GLP1R: variants seen among roughly 807,000 people sequenced by gnomAD.
GLP1R encodes the protein glucagon like peptide 1 receptor.
Under a neutral mutation model 68.4 loss-of-function variants are expected in GLP1R, and 32 were observed. The ratio of observed to expected loss-of-function variants is 0.47; its 90% CI spans 0.35 to 0.63. The LOEUF is 0.63. GLP1R is among the 20% of genes least tolerant of loss of function. GLP1R has a pLI of 0.00. For synonymous variants in GLP1R, 263 were observed against 244.4 expected (o/e 1.08, Z -0.71); for missense variants, 502 against 594.9 (o/e 0.84, Z 1.62).
chr6:39,071,338 T>C (rs1262683137), intron 5 of GLP1R, among the ~76,000 whole-genome samples: 2 of 95,142 alleles, frequency 2.1e-5, no homozygotes, highest in Non-Finnish European at 4.0e-5. Flanking sequence ...AGAGCAAGAT[T>C]CCATCTCAAA....
At chr6:39,076,388 C>T (rs1288784818) in intron 7 of GLP1R, among the ~76,000 whole-genome samples, 1 of 152,118 alleles carries the variant, frequency 6.6e-6, no homozygotes, top group Non-Finnish European at 1.5e-5. Context: ...TACTAAAGCA[C>T]CGTAGATGCT....
intron 12 of GLP1R, among the ~76,000 whole-genome samples, chr6:39,082,128 G>T (rs759438023): frequency 6.6e-6 from 1 of 152,146 alleles, no homozygotes; most frequent in Admixed American, 6.5e-5. Context: ...GAAGGGAGGG[G>T]AATGTTCCCT....
intron 3 of GLP1R, among the ~76,000 whole-genome samples, chr6:39,065,298 C>T (rs1038512467): frequency 2.6e-5 from 4 of 152,176 alleles, no homozygotes; most frequent in South Asian, 2.1e-4. Context: ...CGAGTGACTG[C>T]GGGGCAGGCA....
chr6:39,083,918 C>T (rs2268635), intron 12 of GLP1R, among the ~76,000 whole-genome samples: 13,059 of 152,270 alleles, frequency 0.086, 936 homozygotes, highest in East Asian at 0.38. Context: ...GATGCTCATG[C>T]ATTTATGTGT....
intron 7 of GLP1R, among the ~76,000 whole-genome samples, chr6:39,073,991 T>A (rs1053054581): frequency 1.3e-5 from 2 of 152,128 alleles, no homozygotes; most frequent in Non-Finnish European, 2.9e-5. Context: ...AATGGAAGCC[T>A]CCACCGCATG....
At chr6:39,057,273 T>C (rs947105620) in intron 2 of GLP1R, among the ~76,000 whole-genome samples, 199 bp from the exon 3 acceptor site, 1 of 152,214 alleles carries the variant, frequency 6.6e-6, no homozygotes, top group African/African-American at 2.4e-5. Flanking sequence ...AGTTACTTGC[T>C]CAAGGTCCTG....
Position 39,048,829 on chromosome 6 carries a change from G to A in GLP1R, c.-12G>A. 2 of 1,398,840 alleles carry A rather than the reference G, an allele frequency of 1.4e-6. No individual in the cohort carries two copies. The highest frequency in any genetic ancestry group is 1.9e-6 in the Non-Finnish European group (2 of 1,037,626). 86.7% of individuals were successfully genotyped at this position (1,398,840 alleles called of 1,614,324 possible). A position where few individuals can be genotyped will look rare whatever the true frequency, so the allele number is the denominator to read the frequency against. On this transcript the variant is annotated 5_prime_UTR_variant, in exon 1 of 13. It removes the in-frame stop codon of an upstream open reading frame in the 5' UTR. Coordinates refer to ENST00000373256, the MANE Select transcript of GLP1R (RefSeq NM_002062.5). ...CAGGTGGCAGCGATGGCCCAGTCCT[G>A]AACTCCCCGCCATGGCCGGCGCCCC...
intron 12 of GLP1R, 121 bp from the exon 13 acceptor site, chr6:39,085,785 C>A: frequency 1.1e-6 from 1 of 909,382 alleles, no homozygotes; most frequent in Non-Finnish European, 1.7e-6. Flanking sequence ...AAGGCCTTGA[C>A]TTGTGTCTCT....
At chr6:39,056,940 C>A (rs10305439) in intron 2 of GLP1R, among the ~76,000 whole-genome samples, 53,120 of 152,074 alleles carry the variant, frequency 0.35, 10,664 homozygotes, top group East Asian at 0.54. Context: ...GAGGGCTCCA[C>A]AAACATATTT....
At chr6:39,085,356 C>T (rs550201125) in intron 12 of GLP1R, among the ~76,000 whole-genome samples, 1 of 152,318 alleles carries the variant, frequency 6.6e-6, no homozygotes, top group South Asian at 2.1e-4. Flanking sequence ...CTGGCTGCCC[C>T]TTCCTCCCTG....
chr6:39,064,972 C>T (rs759862560), intron 3 of GLP1R, among the ~76,000 whole-genome samples: 1 of 152,214 alleles, frequency 6.6e-6, no homozygotes, highest in Non-Finnish European at 1.5e-5. Context: ...CCATTTCCAA[C>T]CTATAATTAG....
At chr6:39,073,082 C>A in intron 6 of GLP1R, 67 bp downstream of exon 6, 1 of 1,415,306 alleles carries the variant, frequency 7.1e-7, no homozygotes, top group Non-Finnish European at 9.9e-7. Context: ...CTCTGCCACC[C>A]TAGACAGGCC....
intron 2 of GLP1R, 44 bp from the exon 3 acceptor site, chr6:39,057,428 C>A: frequency 1.6e-6 from 2 of 1,261,184 alleles, no homozygotes; most frequent in Non-Finnish European, 2.3e-6. Flanking sequence ...AGGGCCATGG[C>A]CAGTCACAAG....
chr6:39,073,814 G>A, intron 7 of GLP1R, 45 bp downstream of exon 7: 1 of 1,578,060 alleles, frequency 6.3e-7, no homozygotes. Flanking sequence ...CACGGGGGTG[G>A]GAGACCTTGA....
rs1768952090 is a variant in GLP1R at position 39,079,987 on chromosome 6, G to A, written c.1182+285G>A. ...CCATCTACTTGGTGGCGAGCACCCTGCCAGGTGCTTTACATGCATTGTGCA... is the reference window on the plus strand; with the variant it reads ...CCATCTACTTGGTGGCGAGCACCCTACCAGGTGCTTTACATGCATTGTGCA... On this transcript the variant is annotated intron_variant, in intron 11 of 12. Coordinates refer to ENST00000373256, the MANE Select transcript of GLP1R (RefSeq NM_002062.5). The surrounding 1 kb of genome is among the most constrained non-coding windows in gnomAD (Gnocchi z 4.5). Among the ~76,000 whole-genome samples, 1 of 152,158 alleles carries A rather than the reference G, an allele frequency of 6.6e-6. No homozygotes were observed. The highest frequency in any genetic ancestry group is 6.5e-5 in the Admixed American group (1 of 15,284).
In GLP1R at chr6:39,079,187, G is replaced by T. The variant is rs1369172279; in HGVS notation, c.1030G>T (p.Asp344Tyr). ...KLKANLMCKT[D>Y]IKCRLAKSTL... ...GAAGGCCAATCTCATGTGCAAGACA[G>T]ACATCAAATGCAGGTGATGTAACTG... The change falls in exon 10 of 13, where the codon GAC becomes TAC. Residue 344 changes from aspartate (D) to tyrosine (Y), a missense_variant. By Grantham distance (160) the Asp-to-Tyr change is radical. Transcript: ENST00000373256. The surrounding 1 kb of genome is among the most constrained non-coding windows in gnomAD (Gnocchi z 4.5). 1 of 1,611,594 alleles carries T rather than the reference G, an allele frequency of 6.2e-7. No individual in the cohort carries two copies. The highest frequency in any genetic ancestry group is 8.5e-7 in the Non-Finnish European group (1 of 1,177,816).
intron 1 of GLP1R, among the ~76,000 whole-genome samples, chr6:39,053,404 G>A (rs1223776517): frequency 6.6e-6 from 1 of 152,206 alleles, no homozygotes; most frequent in African/African-American, 2.4e-5. Flanking sequence ...CACAAATTAA[G>A]CAGAATGATT....
intron 5 of GLP1R, among the ~76,000 whole-genome samples, chr6:39,071,913 A>G (rs1409626495): frequency 1.3e-5 from 2 of 152,206 alleles, no homozygotes; most frequent in East Asian, 3.8e-4. Context: ...ATCTCCCACT[A>G]GTTTAAGTCT....
Position 39,089,448 on chromosome 6 carries a change from C to T in GLP1R, c.*3375C>T, listed in dbSNP as rs889991831. 2.0e-5 allele frequency among the ~76,000 whole-genome samples: 3 copies of T among 152,174 alleles called. No homozygotes were observed. The highest frequency in any genetic ancestry group is 6.5e-5 in the Admixed American group (1 of 15,280). On this transcript the variant is annotated 3_prime_UTR_variant, in exon 13 of 13. Coordinates refer to ENST00000373256, the MANE Select transcript of GLP1R (RefSeq NM_002062.5). The surrounding 1 kb of genome is among the most constrained non-coding windows in gnomAD (Gnocchi z 4.1). ...CAACTGTAGCCTAGCAAAGATGGCA[C>T]AGCACCACAAAGGGCAAATGGAGTC...
Sources: allele counts gnomAD v4.1 joint callset (sites outside exome capture counted in the v4.1 genomes callset), GRCh38; gene constraint gnomAD v4.1.1; non-coding constraint Gnocchi (gnomAD v3.1); transcripts MANE v1.5; gene names NCBI Gene and HGNC (gene_info 2026-07-23, HGNC 2026-07-21).